RNF24: variants seen among roughly 807,000 people sequenced by gnomAD.
RNF24 encodes ring finger protein 24.
In RNF24, 14 loss-of-function variants were observed where a neutral mutation model predicts 20.0. That is an observed-to-expected ratio of 0.70 (90% CI 0.46 to 1.10). The LOEUF is 1.10. Ranked by LOEUF, RNF24 falls within the 50% of genes least tolerant of loss-of-function variation. The pLI, the probability that RNF24 is intolerant of heterozygous loss-of-function variation, is 0.00. For synonymous variants in RNF24, 45 were observed against 61.1 expected (o/e 0.74, Z 1.23); for missense variants, 124 against 177.6 (o/e 0.70, Z 1.71).
chr20:3,964,334 A>G (rs1394136523), intron 1 of RNF24, among the ~76,000 whole-genome samples: 1 of 152,202 alleles, frequency 6.6e-6, no homozygotes, highest in Non-Finnish European at 1.5e-5. Context: ...ACCTCAGAGA[A>G]GTGCAAAAAG....
In RNF24 at chr20:3,929,893, G is replaced by A. The variant is rs1235134415; in HGVS notation, c.*4170C>T. The A allele has an allele frequency of 6.6e-6, 1 of 152,262 alleles. No individual in the cohort carries two copies. The highest frequency in any genetic ancestry group is 1.5e-5 in the Non-Finnish European group (1 of 68,038). The allele number at this position is 152,262 out of a possible 1,614,324, so 9.4% of individuals were successfully genotyped here. On this transcript the variant is annotated 3_prime_UTR_variant, in exon 6 of 6. Transcript: ENST00000358395. ...TGAAAATATGTCTTACTCAACAGGA[G>A]TGTGATTGCAAAAACATCCCCCAAT...
At chr20:3,938,404 CT>C (rs1286044151) in intron 4 of RNF24, among the ~76,000 whole-genome samples, 1 of 152,164 alleles carries the variant, frequency 6.6e-6, no homozygotes, top group Non-Finnish European at 1.5e-5. Context: ...TGTTAGAGCA[CT>C]ACACATTCAT....
chr20:3,976,492 A>G (rs1049611521), intron 1 of RNF24, among the ~76,000 whole-genome samples: 1 of 152,224 alleles, frequency 6.6e-6, no homozygotes, highest in East Asian at 1.9e-4. Flanking sequence ...TTAAACATGC[A>G]ACTGCCATAC....
chr20:3,989,503 TAAAA>T (rs1389164020), intron 1 of RNF24, among the ~76,000 whole-genome samples: 9 of 145,328 alleles, frequency 6.2e-5, no homozygotes, highest in Admixed American at 2.1e-4. Flanking sequence ...AAAAAAAAAA[TAAAA>T]AAAGAAAAAC....
chr20:3,987,147 T>C (rs776393376), intron 1 of RNF24, among the ~76,000 whole-genome samples: 8 of 152,104 alleles, frequency 5.3e-5, no homozygotes, highest in Non-Finnish European at 1.2e-4. Context: ...TTTTGATTAA[T>C]TGATGGCAGC....
At position 3,928,779 on chromosome 20, in the gene RNF24, A is replaced by ATTG. The variant is rs1246316830; in HGVS notation, c.*5281_*5283dup. Reference sequence around the variant, plus strand: ...AAAAAAAAAAAAAAAAAAAAAAAAAATTGTTGGGGTAATTTCTGTTGTCAA... The same window carrying ATTG: ...AAAAAAAAAAAAAAAAAAAAAAAAAATTGTTGTTGGGGTAATTTCTGTTGTCAA... On this transcript the variant is annotated 3_prime_UTR_variant, in exon 6 of 6. Coordinates refer to ENST00000358395, the MANE Select transcript of RNF24 (RefSeq NM_001134337.3). 7.1e-6 allele frequency: 1 copy of ATTG among 141,642 alleles called. No homozygotes were observed. The highest frequency in any genetic ancestry group is 2.2e-4 in the East Asian group (1 of 4,638). The allele number at this position is 141,642 out of a possible 1,614,324, so 8.8% of individuals were successfully genotyped here.
At chr20:3,982,132 T>TCTCA (rs1568648656) in intron 1 of RNF24, among the ~76,000 whole-genome samples, 1 of 151,002 alleles carries the variant, frequency 6.6e-6, no homozygotes, top group Non-Finnish European at 1.5e-5. Context: ...TCTCTCTCTC[T>TCTCA]CTCAATAAAT....
Position 3,960,712 on chromosome 20 carries a change from T to C in RNF24, c.143+3163A>G, listed in dbSNP as rs191378414. On this transcript the variant is annotated intron_variant, in intron 2 of 5. Coordinates refer to ENST00000358395, the MANE Select transcript of RNF24 (RefSeq NM_001134337.3). The stretch of plus-strand genomic sequence containing the variant: ...AAAAAACAATCGTACCAATGACTAG[T>C]AAATGAAGTTTAGAAATGTTTGAAC... 5.3e-5 allele frequency among the ~76,000 whole-genome samples: 8 copies of C among 152,328 alleles called. No homozygotes were observed. In the East Asian group the frequency reaches 1.5e-3, roughly 29 times the overall value.
rs1359819738 is a variant in RNF24, at chr20:3,934,484, A to G, written c.309-283T>C. Among the ~76,000 whole-genome samples, 1 of 152,188 alleles carries G rather than the reference A, an allele frequency of 6.6e-6. No individual in the cohort carries two copies. Among genetic ancestry groups the G allele is most frequent in the African/African-American group, 2.4e-5 (1 of 41,450 alleles). ...TATGTGATACTCTCAGTTACCCATG[A>G]CTTCTTACAAGAACAAAATACACTG... On this transcript the variant is annotated intron_variant, in intron 5 of 5. Coordinates refer to ENST00000358395, the MANE Select transcript of RNF24 (RefSeq NM_001134337.3). The surrounding 1 kb of genome is among the most constrained non-coding windows in gnomAD (Gnocchi z 4.0).
intron 4 of RNF24, among the ~76,000 whole-genome samples, chr20:3,936,653 G>A (rs541292489): frequency 3.3e-5 from 5 of 152,310 alleles, no homozygotes; most frequent in South Asian, 4.1e-4. Flanking sequence ...CCTAGACTGT[G>A]TGATTGGCCC....
At chr20:4,009,365 AG>A (rs1400952422) in intron 1 of RNF24, among the ~76,000 whole-genome samples, 1 of 152,224 alleles carries the variant, frequency 6.6e-6, no homozygotes, top group African/African-American at 2.4e-5. Flanking sequence ...TGACATGGAT[AG>A]CCCCCTGGAG....
intron 1 of RNF24, among the ~76,000 whole-genome samples, chr20:3,986,207 CT>C (rs1035203411): frequency 2.0e-4 from 30 of 151,972 alleles, no homozygotes; most frequent in Admixed American, 7.2e-4. Flanking sequence ...GGATTTAATT[CT>C]TTTCTTTCTT....
At chr20:3,948,196 G>A in intron 3 of RNF24, 41 bp downstream of exon 3, 2 of 1,473,906 alleles carry the variant, frequency 1.4e-6, no homozygotes, top group Non-Finnish European at 1.9e-6. Context: ...TTTTTTGGGG[G>A]GAAAAAAAAA....
At chr20:4,003,633 CTTTTTTT>C (rs377227990) in intron 1 of RNF24, among the ~76,000 whole-genome samples, 8 of 84,424 alleles carry the variant, frequency 9.5e-5, no homozygotes, top group Non-Finnish European at 1.7e-4. Flanking sequence ...TTAGAAACTC[CTTTTTTT>C]TTTTTTTTTT....
chr20:3,942,807 G>A (rs1308818837), intron 4 of RNF24, among the ~76,000 whole-genome samples: 1 of 151,298 alleles, frequency 6.6e-6, no homozygotes, highest in Non-Finnish European at 1.5e-5. Context: ...AATTTACCTG[G>A]GATGAAGACA....
At chr20:3,935,693 G>C (rs2090882304) in intron 4 of RNF24, among the ~76,000 whole-genome samples, 1 of 152,228 alleles carries the variant, frequency 6.6e-6, no homozygotes, top group Non-Finnish European at 1.5e-5. Flanking sequence ...AGTCTCCATG[G>C]CTTGGAGAGA....
Position 4,014,779 on chromosome 20 carries a change from C to CACACACA in RNF24, c.-8+657_-8+658insTGTGTGT, listed in dbSNP as rs1568679707. Among the ~76,000 whole-genome samples, 4 of 120,372 alleles carry CACACACA rather than the reference C, an allele frequency of 3.3e-5. No individual in the cohort carries two copies. The East Asian group carries it at 9.7e-4, about 29-fold the overall frequency. 79.0% of individuals were successfully genotyped at this position (120,372 alleles called of 152,430 possible). A position where few individuals can be genotyped will look rare whatever the true frequency, so the allele number is the denominator to read the frequency against. On this transcript the variant is annotated intron_variant, in intron 1 of 5. Coordinates refer to ENST00000358395, the MANE Select transcript of RNF24 (RefSeq NM_001134337.3). ...CACACACACACACACACACACACAT[C>CACACACA]ATTAGGTCTCCAGAAACAAAGGAGG... is the stretch of plus-strand genomic sequence containing the variant.
intron 1 of RNF24, among the ~76,000 whole-genome samples, chr20:3,980,965 G>GTT (rs961852909): frequency 6.8e-6 from 1 of 147,936 alleles, no homozygotes; most frequent in African/African-American, 2.5e-5. Context: ...GTGTGTGTGT[G>GTT]TTGGGGGGGG....
Position 3,932,859 on chromosome 20 carries a change from A to G in RNF24, c.*1204T>C. ...AGTCATTTCTAGAAAAGTTGGACAG[A>G]AAGAGCCAAAGAGCAGCATGCGTTT... On this transcript the variant is annotated 3_prime_UTR_variant, in exon 6 of 6. Transcript: ENST00000358395. 1 of 398,482 alleles carries G rather than the reference A, an allele frequency of 2.5e-6. No homozygotes were observed. The highest frequency in any genetic ancestry group is 4.4e-6 in the Non-Finnish European group (1 of 226,062). The allele number at this position is 398,482 out of a possible 1,614,324, so 24.7% of individuals were successfully genotyped here.
Sources: allele counts gnomAD v4.1 joint callset (sites outside exome capture counted in the v4.1 genomes callset), GRCh38; gene constraint gnomAD v4.1.1; non-coding constraint Gnocchi (gnomAD v3.1); transcripts MANE v1.5; gene names NCBI Gene and HGNC (gene_info 2026-07-23, HGNC 2026-07-21).